Variants in DMWD observed in about 807,000 individuals in gnomAD.
The protein encoded by DMWD is dystrophia myotonica WD repeat-containing protein.
Under a neutral mutation model 45.8 loss-of-function variants are expected in DMWD, and 19 were observed. The observed-to-expected ratio is 0.41, with a 90% confidence interval of 0.29 to 0.61. The LOEUF (loss-of-function observed/expected upper bound fraction) is 0.61, where lower values mean the gene tolerates loss of function less well. Ranked by LOEUF, DMWD falls within the 20% of genes least tolerant of loss-of-function variation. The pLI is 0.25. For missense variants in DMWD, 802 were observed against 965.2 expected (o/e 0.83, Z 2.24); for synonymous variants, 515 against 440.5 (o/e 1.17, Z -2.12).
chr19:45,786,452 G>C lies in DMWD; in HGVS notation c.1044C>G (p.Asp348Glu). The change falls in exon 3 of 5, where the codon GAC (aspartate) becomes GAG (glutamate). Residue 348 changes from aspartate to glutamate, a missense_variant. Coordinates refer to ENST00000270223, the MANE Select transcript of DMWD (RefSeq NM_004943.2). ...CGGTGAAGGACCACACGGTGACCAG[G>C]TCATCTTCGCCACCCGTCACCACGT... ...GRYVVTGGEDDLVTVWSFTEG... is the reference protein window; with the variant it reads ...GRYVVTGGEDELVTVWSFTEG... 2 of 1,613,116 alleles carry C rather than the reference G, an allele frequency of 1.2e-6. No individual in the cohort carries two copies. The highest frequency in any genetic ancestry group is 1.7e-6 in the Non-Finnish European group (2 of 1,179,326).
chr19:45,792,706 C>T lies in DMWD; in HGVS notation c.51G>A (p.Gly17=), dbSNP rs898891884. The part of the protein sequence containing the change: ...EGGSGPGAAM[G]DCAEIKSQFR... ...ATTGCGACTTAATCTCCGCGCAGTC[C>T]CCCATGGCGGCGCCGGGGCCCGAGC... is the stretch of plus-strand genomic sequence containing the variant. The change falls in exon 1 of 5, where the codon GGG becomes GGA. Residue 17 remains glycine (G), a synonymous_variant. Coordinates refer to ENST00000270223, the MANE Select transcript of DMWD (RefSeq NM_004943.2). The T allele has an allele frequency of 1.6e-6, 2 of 1,236,148 alleles. No individual in the cohort carries two copies. Among genetic ancestry groups the T allele is most frequent in the Non-Finnish European group, 2.1e-6 (2 of 972,126 alleles). 76.6% of individuals were successfully genotyped at this position (1,236,148 alleles called of 1,614,324 possible). A position where few individuals can be genotyped will look rare whatever the true frequency, so the allele number is the denominator to read the frequency against.
Position 45,792,528 on chromosome 19 carries a change from CG to C in DMWD, c.228del (p.Ala77ArgfsTer134). The C allele has an allele frequency of 8.8e-7, 1 of 1,138,946 alleles. No individual in the cohort carries two copies. The highest frequency in any genetic ancestry group is 1.1e-6 in the Non-Finnish European group (1 of 929,098). 70.6% of individuals were successfully genotyped at this position (1,138,946 alleles called of 1,614,324 possible). A position where few individuals can be genotyped will look rare whatever the true frequency, so the allele number is the denominator to read the frequency against. ...ASASGPGAAG[P>X]ASSPPPAGPG... ...GGGCCTGCGGGCGGCGGGGACGACG[CG>C]GGGCCTGCAGCGCCGGGACCGGAGG... On this transcript the variant is annotated frameshift_variant, in exon 1 of 5. Transcript: ENST00000270223. LOFTEE classifies it high-confidence loss of function.
rs754828514 is a variant in DMWD, at chr19:45,784,640, C to A, written c.1977+1G>T. ...GGGAAAGAACTCAGGGACAGTCCTA[C>A]CTCTACCACTGACTTGCTGGGTGAC... On this transcript the variant is annotated splice_donor_variant, in intron 4 of 4. Transcript: ENST00000270223. LOFTEE classifies it high-confidence loss of function. 1 of 1,613,968 alleles carries A rather than the reference C, an allele frequency of 6.2e-7. No homozygotes were observed. The highest frequency in any genetic ancestry group is 8.5e-7 in the Non-Finnish European group (1 of 1,179,904).
chr19:45,785,315 G>C lies in DMWD; in HGVS notation c.1902+279C>G, dbSNP rs894265308. On this transcript the variant is annotated intron_variant, in intron 3 of 4. Coordinates refer to ENST00000270223, the MANE Select transcript of DMWD (RefSeq NM_004943.2). ...CAGGCAGTAAGACCTGGCCATGTGG[G>C]GCCCATCTGCTGCCCTTCAGACGGC... 2.5e-6 allele frequency: 3 copies of C among 1,203,344 alleles called. No homozygotes were observed. The East Asian group carries it at 1.1e-4, about 43-fold the overall frequency. The allele number at this position is 1,203,344 out of a possible 1,614,324, so 74.5% of individuals were successfully genotyped here.
chr19:45,792,305 A>G lies in DMWD; in HGVS notation c.441+11T>C. 6.2e-7 allele frequency: 1 copy of G among 1,603,762 alleles called. No individual in the cohort carries two copies. The highest frequency in any genetic ancestry group is 8.5e-7 in the Non-Finnish European group (1 of 1,174,726). ...TTCAGCACCCAGGGCCCCACGATGCAGGCCGCTCACCCGTTGGCTCCCACG... is the reference window on the plus strand; with the variant it reads ...TTCAGCACCCAGGGCCCCACGATGCGGGCCGCTCACCCGTTGGCTCCCACG... On this transcript the variant is annotated intron_variant, in intron 1 of 4. Coordinates refer to ENST00000270223, the MANE Select transcript of DMWD (RefSeq NM_004943.2).
chr19:45,791,652 G>T (rs765311469), intron 1 of DMWD, among the ~76,000 whole-genome samples: 1 of 151,984 alleles, frequency 6.6e-6, no homozygotes, highest in Non-Finnish European at 1.5e-5. Context: ...ATCATTTCTG[G>T]GATCACCATA....
At position 45,785,781 on chromosome 19, in the gene DMWD, C is replaced by T. The variant is rs765984271; in HGVS notation, c.1715G>A (p.Arg572His). 6.2e-6 allele frequency: 10 copies of T among 1,611,426 alleles called. No individual in the cohort carries two copies. The highest frequency in any genetic ancestry group is 1.7e-4 in the Middle Eastern group (1 of 6,044). The part of the protein sequence containing the change: ...EKPSGPVPRS[R>H]LDPAKVLGTA... Reference sequence around the variant, plus strand: ...GCCCAGCACCTTGGCGGGGTCCAGGCGGCTGCGGGGAACAGGGCCGCTGGG... The same window carrying T: ...GCCCAGCACCTTGGCGGGGTCCAGGTGGCTGCGGGGAACAGGGCCGCTGGG... Residue 572 changes from arginine to histidine, a missense_variant, in exon 3 of 5, where the codon CGC (arginine) becomes CAC (histidine). Physicochemically the swap from Arg to His is conservative, Grantham distance 29. This residue lies in a region of DMWD where 303 missense variants were observed against 332.9 expected (regional missense o/e 0.91). Coordinates refer to ENST00000270223, the MANE Select transcript of DMWD (RefSeq NM_004943.2).
intron 3 of DMWD, among the ~76,000 whole-genome samples, chr19:45,785,066 G>A (rs942416095): frequency 8.5e-5 from 13 of 152,148 alleles, no homozygotes; most frequent in African/African-American, 3.1e-4. Flanking sequence ...AGGTCAGAGG[G>A]GGCAGTGACT....
rs141979437 is a variant in DMWD at position 45,786,260 on chromosome 19, C to T, written c.1236G>A (p.Ser412=). The change falls in exon 3 of 5, where the codon TCG becomes TCA. Residue 412 remains serine (S), a synonymous_variant. Transcript: ENST00000270223. ...EEEPEAAGTG[S]AGGAPLSPLP... ...GTGGAGAGAGCGGGGCGCCCCCGGCCGAGCCTGTGCCCGCAGCCTCGGGCT... is the reference window on the plus strand; with the variant it reads ...GTGGAGAGAGCGGGGCGCCCCCGGCTGAGCCTGTGCCCGCAGCCTCGGGCT... 1.4e-4 allele frequency: 222 copies of T among 1,606,374 alleles called. No homozygotes were observed. Among genetic ancestry groups the T allele is most frequent in the Non-Finnish European group, 1.9e-4 (219 of 1,175,530 alleles).
At position 45,783,350 on chromosome 19, in the gene DMWD, G is replaced by T. The variant is rs561043752; in HGVS notation, c.*893C>A. ...GGCCTCCAACCGGCCTGGGGTGCCT[G>T]GGCCTTGAGAGGGCCAGGCCTGAGA... On this transcript the variant is annotated 3_prime_UTR_variant, in exon 5 of 5. Transcript: ENST00000270223. 5 of 385,336 alleles carry T rather than the reference G, an allele frequency of 1.3e-5. No homozygotes were observed. The highest frequency in any genetic ancestry group is 2.1e-5 in the African/African-American group (1 of 48,368). 23.9% of individuals were successfully genotyped at this position (385,336 alleles called of 1,614,324 possible). A position where few individuals can be genotyped will look rare whatever the true frequency, so the allele number is the denominator to read the frequency against.
chr19:45,792,788 G>T lies in DMWD; in HGVS notation c.-32C>A, dbSNP rs906412985. ...CGCCCCCCGGGCCCCGCCACTGCCG[G>T]ACTGCCGCCCGCAGCCGGGCCCCCT... On this transcript the variant is annotated 5_prime_UTR_variant, in exon 1 of 5. Transcript: ENST00000270223. 1.8e-6 allele frequency: 2 copies of T among 1,105,648 alleles called. No homozygotes were observed. The highest frequency in any genetic ancestry group is 2.2e-6 in the Non-Finnish European group (2 of 907,854). The allele number at this position is 1,105,648 out of a possible 1,614,324, so 68.5% of individuals were successfully genotyped here.
Position 45,792,645 on chromosome 19 carries a change from C to A in DMWD, c.112G>T (p.Gly38Cys). 1.5e-6 allele frequency: 2 copies of A among 1,336,386 alleles called. No individual in the cohort carries two copies. The highest frequency in any genetic ancestry group is 1.9e-6 in the Non-Finnish European group (2 of 1,027,990). 82.8% of individuals were successfully genotyped at this position (1,336,386 alleles called of 1,614,324 possible). ...CCCGACCTGCGAGCGGCGCCGTCGC[C>A]CGGGAGTAGCTTGTAGAAACCCTCG... Reference protein sequence around the residue: ...TREGFYKLLPGDGAARRSGPA... With the variant: ...TREGFYKLLPCDGAARRSGPA... The change falls in exon 1 of 5, where the codon GGC becomes TGC. Residue 38 changes from glycine to cysteine, a missense_variant. By Grantham distance (159) the Gly-to-Cys change is radical. This residue lies in a region of DMWD where 151 missense variants were observed against 128.1 expected (regional missense o/e 1.18). Coordinates refer to ENST00000270223, the MANE Select transcript of DMWD (RefSeq NM_004943.2).
rs1970348092 is a variant in DMWD at position 45,790,886 on chromosome 19, C to T, written c.624+19G>A. The T allele has an allele frequency of 6.3e-7, 1 of 1,589,738 alleles. No homozygotes were observed. The highest frequency in any genetic ancestry group is 2.2e-5 in the East Asian group (1 of 44,648). On this transcript the variant is annotated intron_variant, in intron 2 of 4. Transcript: ENST00000270223. ...GGTGAGAAGGCAGAGAAGTTGGGGG[C>T]TCTGGGGGCTGCAATCACCTCCTCA...
At position 45,785,616 on chromosome 19, in the gene DMWD, G is replaced by C; in HGVS notation, c.1880C>G (p.Thr627Ser). Residue 627 changes from threonine (T) to serine (S), a missense_variant, in exon 3 of 5, where the codon ACC becomes AGC. This residue lies in a region of DMWD where 303 missense variants were observed against 332.9 expected (regional missense o/e 0.91). Transcript: ENST00000270223. ...ITACQEGLIC[T>S]WARPGKAFTD... ...CACCGCCTTGCCCGGCCGGGCCCAG[G>C]TGCAGATGAGGCCCTCCTGGCAGGC... The C allele has an allele frequency of 6.6e-7, 1 of 1,520,990 alleles. No homozygotes were observed. Among genetic ancestry groups the C allele is most frequent in the South Asian group, 1.3e-5 (1 of 77,474 alleles). The allele number at this position is 1,520,990 out of a possible 1,614,324, so 94.2% of individuals were successfully genotyped here.
chr19:45,786,892 G>C (rs748571501), intron 2 of DMWD, 21 bp from the exon 3 acceptor site: 1 of 1,607,350 alleles, frequency 6.2e-7, no homozygotes, highest in East Asian at 2.2e-5. Flanking sequence ...AGACAGTGTG[G>C]GGTTGGGAGA....
Position 45,783,659 on chromosome 19 carries a change from C to A in DMWD, c.*584G>T, listed in dbSNP as rs1216758609. 2 of 400,908 alleles carry A rather than the reference C, an allele frequency of 5.0e-6. No individual in the cohort carries two copies. The highest frequency in any genetic ancestry group is 4.4e-6 in the Non-Finnish European group (1 of 227,594). The allele number at this position is 400,908 out of a possible 1,614,324, so 24.8% of individuals were successfully genotyped here. On this transcript the variant is annotated 3_prime_UTR_variant, in exon 5 of 5. Transcript: ENST00000270223. ...GCCTGCACTCCTCCTCTGGGGAAAG[C>A]GGACTGCCTAGAACCACAGAGTACA...
At chr19:45,784,537 C>T in intron 4 of DMWD, 104 bp downstream of exon 4, 1 of 1,526,930 alleles carries the variant, frequency 6.5e-7, no homozygotes, top group South Asian at 1.2e-5. Context: ...TGAGTGAGAC[C>T]ATGGGGTAAG....
Position 45,785,732 on chromosome 19 carries a change from G to A in DMWD, c.1764C>T (p.His588=), listed in dbSNP as rs568725613. The change falls in exon 3 of 5, where the codon CAC becomes CAT. Residue 588 remains histidine, a synonymous_variant. Coordinates refer to ENST00000270223, the MANE Select transcript of DMWD (RefSeq NM_004943.2). ...CAAGGGGCTCCAGCAGGGGCACCTC[G>A]TGGATGCGCGGGCACAGCGCAGTGC... ...VLGTALCPRI[H]EVPLLEPLVC... is the part of the protein sequence containing the mutation. 339 of 1,606,948 alleles carry A rather than the reference G, an allele frequency of 2.1e-4. 3 individuals are homozygous for A. In the South Asian group the frequency reaches 3.3e-3, roughly 16 times the overall value.
chr19:45,792,410 G>A lies in DMWD; in HGVS notation c.347C>T (p.Pro116Leu). 2 of 1,580,824 alleles carry A rather than the reference G, an allele frequency of 1.3e-6. No homozygotes were observed. Among genetic ancestry groups the A allele is most frequent in the Non-Finnish European group, 1.7e-6 (2 of 1,164,306 alleles). Residue 116 changes from proline to leucine, a missense_variant, in exon 1 of 5, where the codon CCC (proline) becomes CTC (leucine). Physicochemically the swap from Pro to Leu is moderately conservative, Grantham distance 98 (BLOSUM62 -3). This residue lies in a region of DMWD where 82 missense variants were observed against 92.9 expected (regional missense o/e 0.88). Coordinates refer to ENST00000270223, the MANE Select transcript of DMWD (RefSeq NM_004943.2). Reference sequence around the variant, plus strand: ...GTCTCCCCCCGAGCCCAGCCCCGCGGGCGTGGCGGGCGGCTCCCCGGCCCC... The same window carrying A: ...GTCTCCCCCCGAGCCCAGCCCCGCGAGCGTGGCGGGCGGCTCCCCGGCCCC... ...SAGAGEPPAT[P>L]AGLGSGGDRV... is the part of the protein sequence containing the mutation.
Sources: allele counts gnomAD v4.1 joint callset (sites outside exome capture counted in the v4.1 genomes callset), GRCh38; gene constraint gnomAD v4.1.1; regional missense constraint gnomAD v4.1.1; transcripts MANE v1.5; gene names NCBI Gene and HGNC (gene_info 2026-07-23, HGNC 2026-07-21).